OR3A2: variants seen among roughly 807,000 people sequenced by gnomAD.
The protein encoded by OR3A2 is olfactory receptor family 3 subfamily A member 2, also known as olfactory receptor 3A2.
For missense variants in OR3A2, 318 were observed against 392.8 expected, an observed-to-expected ratio of 0.81 and a Z score of 1.61; for synonymous variants, 126 against 159.3, an observed-to-expected ratio of 0.79 and a Z score of 1.57.
At chr17:3,352,213 C>T (rs2049425366) in intron 2 of OR3A2, among the ~76,000 whole-genome samples, 1 of 152,010 alleles carries the variant, frequency 6.6e-6, no homozygotes, top group African/African-American at 2.4e-5. Flanking sequence ...TGTCTCTTCA[C>T]TTTGTTGATT....
chr17:3,279,053 C>T, intron 1 of OR3A2, 23 bp downstream of exon 4: 1 of 1,454,614 alleles, frequency 6.9e-7, no homozygotes, highest in Non-Finnish European at 9.2e-7. Flanking sequence ...CGTTGACCTC[C>T]TCCATCACCT....
At chr17:3,320,470 TG>T (rs1264038343) in intron 3 of OR3A2, among the ~76,000 whole-genome samples, 1 of 126,060 alleles carries the variant, frequency 7.9e-6, no homozygotes, top group African/African-American at 2.8e-5. Flanking sequence ...ATGTCCTGAA[TG>T]GTATTGCATA....
chr17:3,342,673 T>C (rs2049329343), intron 2 of OR3A2, among the ~76,000 whole-genome samples: 1 of 152,204 alleles, frequency 6.6e-6, no homozygotes. Context: ...GAGGGCCACC[T>C]GGCTGTATGA....
At chr17:3,289,191 G>A (rs781004289), upstream of OR3A2, among the ~76,000 whole-genome samples, 9 of 152,208 alleles carry the variant, frequency 5.9e-5, no homozygotes, top group African/African-American at 1.4e-4. Flanking sequence ...ATTACTGTGC[G>A]GATGGTGCGG....
At position 3,380,208 on chromosome 17, in the gene OR3A2, C is replaced by T. The variant is rs151157911; in HGVS notation, c.-179+3596G>A. 6.2e-3 allele frequency among the ~76,000 whole-genome samples: 943 copies of T among 152,210 alleles called. 9 individuals carry two copies. The highest frequency in any genetic ancestry group is 0.027 in the Middle Eastern group (8 of 294). ...GAGCTCGTTAATGCTTGCAGACTTG[C>T]TGGGAGGAAGCAGAAGAATCATGGC... is the stretch of plus-strand genomic sequence containing the variant. On this transcript the variant is annotated intron_variant, in intron 2 of 4. Transcript: ENST00000573491.
chr17:3,375,719 G>C (rs559669354), intron 2 of OR3A2, among the ~76,000 whole-genome samples: 20 of 152,220 alleles, frequency 1.3e-4, no homozygotes, highest in African/African-American at 4.6e-4. Flanking sequence ...TTTCTCATTT[G>C]GGTAGACTGT....
chr17:3,278,195 G>A (rs774468715), exon 2 of OR3A2: 3 of 1,614,236 alleles, frequency 1.9e-6, no homozygotes, highest in Non-Finnish European at 2.5e-6. Flanking sequence ...CACACGTGGA[G>A]AAGGCCTTCT....
At chr17:3,304,565 G>A (rs7210744) in intron 3 of OR3A2, among the ~76,000 whole-genome samples, 25,264 of 151,852 alleles carry the variant, frequency 0.17, 2,984 homozygotes, top group African/African-American at 0.34. Context: ...TGGTTTCTTA[G>A]CTGTTTAAAA....
intron 2 of OR3A2, among the ~76,000 whole-genome samples, chr17:3,353,114 A>C (rs2049433794): frequency 9.6e-6 from 1 of 103,814 alleles, no homozygotes; most frequent in South Asian, 4.6e-4. Flanking sequence ...TTTGCTTATA[A>C]GTTCTTTTTT....
intron 2 of OR3A2, among the ~76,000 whole-genome samples, chr17:3,357,292 C>T (rs776761075): frequency 1.3e-5 from 2 of 151,666 alleles, no homozygotes; most frequent in African/African-American, 2.4e-5. Context: ...CCCAGAATCT[C>T]ATGAGTGTCG....
intron 1 of OR3A2, among the ~76,000 whole-genome samples, chr17:3,384,351 G>A (rs924266946): frequency 1.2e-4 from 18 of 152,152 alleles, no homozygotes; most frequent in Non-Finnish European, 2.4e-4. Context: ...GTGCACTGAG[G>A]ACAGAGCAAG....
At chr17:3,302,859 G>GTA (rs1382041522) in intron 3 of OR3A2, among the ~76,000 whole-genome samples, 1 of 152,170 alleles carries the variant, frequency 6.6e-6, no homozygotes, top group African/African-American at 2.4e-5. Flanking sequence ...GGGAAGGCCA[G>GTA]TACTCAGTTC....
chr17:3,294,562 T>G (rs1055905698), intron 3 of OR3A2, among the ~76,000 whole-genome samples: 3 of 152,174 alleles, frequency 2.0e-5, no homozygotes, highest in African/African-American at 7.2e-5. Context: ...AACACTTGAC[T>G]TTACAATTCA....
chr17:3,341,273 G>A (rs991861575), intron 2 of OR3A2, among the ~76,000 whole-genome samples: 2 of 92,720 alleles, frequency 2.2e-5, no homozygotes, highest in East Asian at 2.8e-4. Context: ...TACATTTAAG[G>A]TTAATGTTAT....
At chr17:3,352,861 G>A (rs369601372) in intron 2 of OR3A2, among the ~76,000 whole-genome samples, 92 of 151,900 alleles carry the variant, frequency 6.1e-4, no homozygotes, top group African/African-American at 2.1e-3. Context: ...TACCAATATC[G>A]ATTTTTCCAA....
intron 2 of OR3A2, among the ~76,000 whole-genome samples, chr17:3,365,042 T>C (rs1037769754): frequency 1.3e-5 from 2 of 152,220 alleles, no homozygotes; most frequent in Non-Finnish European, 2.9e-5. Flanking sequence ...GGTCTAATGA[T>C]GACCAGAGCA....
At chr17:3,326,144 T>C (rs1322705709) in intron 3 of OR3A2, among the ~76,000 whole-genome samples, 1 of 152,140 alleles carries the variant, frequency 6.6e-6, no homozygotes, top group Non-Finnish European at 1.5e-5. Flanking sequence ...GGCTGCATAG[T>C]ATATCATGGT....
At chr17:3,287,773 T>C (rs9303169), upstream of OR3A2, among the ~76,000 whole-genome samples, 36,470 of 151,986 alleles carry the variant, frequency 0.24, 6,146 homozygotes, top group African/African-American at 0.47. Flanking sequence ...GGTGGCAGCA[T>C]TGGTCTCAGT....
intron 2 of OR3A2, among the ~76,000 whole-genome samples, chr17:3,363,703 C>G (rs2049538373): frequency 6.6e-6 from 1 of 152,170 alleles, no homozygotes; most frequent in African/African-American, 2.4e-5. Context: ...TTCATTTTCA[C>G]ACTGCTATAA....
Sources: allele counts gnomAD v4.1 joint callset (sites outside exome capture counted in the v4.1 genomes callset), GRCh38; gene constraint gnomAD v4.1.1; transcripts MANE v1.5; gene names NCBI Gene and HGNC (gene_info 2026-07-23, HGNC 2026-07-21).